The following KLHL28 variants were observed in gnomAD, a reference collection of about 807,000 sequenced individuals.
KLHL28 encodes the protein kelch like family member 28, also known as kelch-like protein 28.
Under a neutral mutation model 48.3 loss-of-function variants are expected in KLHL28, and 22 were observed. That is an observed-to-expected ratio of 0.46 (90% CI 0.33 to 0.65). The LOEUF (loss-of-function observed/expected upper bound fraction) is 0.65. Ranked by LOEUF, KLHL28 falls within the 30% of genes least tolerant of loss-of-function variation. The probability of loss-of-function intolerance (pLI) is 0.03; values close to 1 mark genes in which losing one functional copy is unlikely to be tolerated. For missense variants in KLHL28, 527 were observed against 704.3 expected (o/e 0.75, Z 2.85); for synonymous variants, 243 against 242.4 (o/e 1.00, Z -0.02).
intron 3 of KLHL28, among the ~76,000 whole-genome samples, chr14:44,932,244 GA>G (rs770477179): frequency 8.8e-5 from 9 of 102,252 alleles, no homozygotes; most frequent in African/African-American, 1.7e-4. Context: ...AAGAGGAAGA[GA>G]GGGGTGGGGG....
intron 2 of KLHL28, among the ~76,000 whole-genome samples, chr14:44,937,888 C>T (rs985349756): frequency 3.3e-5 from 5 of 152,188 alleles, no homozygotes; most frequent in Admixed American, 2.6e-4. Flanking sequence ...AACTCACTCA[C>T]TCCCACCATA....
At position 44,931,550 on chromosome 14, in the gene KLHL28, A is replaced by G. The variant is rs377726724; in HGVS notation, c.1344-9T>C. On this transcript the variant is annotated splice_polypyrimidine_tract_variant and intron_variant, in intron 3 of 4. Transcript: ENST00000396128. The stretch of plus-strand genomic sequence containing the variant: ...GATCATAACGCTCCACACTGCAAAT[A>G]TTTAAAAAAAATTTAATTTACAGAT... 1.1e-3 allele frequency: 1,756 copies of G among 1,599,158 alleles called. No individual in the cohort carries two copies. The highest frequency in any genetic ancestry group is 1.4e-3 in the Non-Finnish European group (1,626 of 1,170,602).
At position 44,925,424 on chromosome 14, in the gene KLHL28, T is replaced by G. The variant is rs969339416; in HGVS notation, c.*3604A>C. The G allele has an allele frequency of 1.3e-5, 2 of 152,116 alleles. No individual in the cohort carries two copies. Among genetic ancestry groups the G allele is most frequent in the African/African-American group, 4.8e-5 (2 of 41,460 alleles). 9.4% of individuals were successfully genotyped at this position (152,116 alleles called of 1,614,324 possible). ...AGGAGATTTGGAGTTCTATAAATAT[T>G]AGGTTTTTTAATATTTCTTTTTCAT... On this transcript the variant is annotated 3_prime_UTR_variant, in exon 5 of 5. Transcript: ENST00000396128.
At chr14:44,959,052 A>C (rs1303942477) in intron 1 of KLHL28, among the ~76,000 whole-genome samples, 4 of 152,044 alleles carry the variant, frequency 2.6e-5, no homozygotes, top group Non-Finnish European at 5.9e-5. Flanking sequence ...AAATATATAT[A>C]ATCTTCAACC....
intron 1 of KLHL28, among the ~76,000 whole-genome samples, chr14:44,953,023 G>A (rs984542979): frequency 1.3e-5 from 2 of 151,988 alleles, no homozygotes; most frequent in African/African-American, 4.8e-5. Flanking sequence ...TTGATACTTG[G>A]GCAAATTACT....
At chr14:44,940,903 C>G (rs1884044967) in intron 2 of KLHL28, among the ~76,000 whole-genome samples, 1 of 151,968 alleles carries the variant, frequency 6.6e-6, no homozygotes, top group Admixed American at 6.6e-5. Flanking sequence ...AGTTCAAGAC[C>G]AGCCTGACCA....
At chr14:44,955,311 GA>G (rs963385858) in intron 1 of KLHL28, among the ~76,000 whole-genome samples, 25 of 151,556 alleles carry the variant, frequency 1.6e-4, no homozygotes, top group African/African-American at 4.4e-4. Flanking sequence ...TTATTTTAAG[GA>G]AAAAAATAAA....
At chr14:44,953,809 A>G (rs1884684219) in intron 1 of KLHL28, 3 of 152,234 alleles carry the variant, frequency 2.0e-5, no homozygotes, top group Admixed American at 2.0e-4. Flanking sequence ...ATTAGGGAAC[A>G]GTTTCCTAAC....
At chr14:44,949,229 T>C (rs541349131) in intron 1 of KLHL28, among the ~76,000 whole-genome samples, 1 of 152,114 alleles carries the variant, frequency 6.6e-6, no homozygotes, top group Non-Finnish European at 1.5e-5. Context: ...GATAACATTC[T>C]AAAACAAATT....
At chr14:44,931,838 A>G (rs916872186) in intron 3 of KLHL28, among the ~76,000 whole-genome samples, 1 of 152,116 alleles carries the variant, frequency 6.6e-6, no homozygotes, top group African/African-American at 2.4e-5. Context: ...CTGTATACCT[A>G]GGGCTGAACG....
Position 44,925,333 on chromosome 14 carries a change from C to T in KLHL28, c.*3695G>A, listed in dbSNP as rs1308843836. ...CTCAATGTCAGCCAGAGTCTTGATACTACAGGAAATATATATATTTAAAAT... is the reference window on the plus strand; with the variant it reads ...CTCAATGTCAGCCAGAGTCTTGATATTACAGGAAATATATATATTTAAAAT... On this transcript the variant is annotated 3_prime_UTR_variant, in exon 5 of 5. Coordinates refer to ENST00000396128, the MANE Select transcript of KLHL28 (RefSeq NM_017658.5). 1.3e-5 allele frequency: 2 copies of T among 152,036 alleles called. No homozygotes were observed. Among genetic ancestry groups the T allele is most frequent in the Non-Finnish European group, 2.9e-5 (2 of 67,938 alleles). 9.4% of individuals were successfully genotyped at this position (152,036 alleles called of 1,614,324 possible). A position where few individuals can be genotyped will look rare whatever the true frequency, so the allele number is the denominator to read the frequency against.
chr14:44,950,236 C>A (rs1394225561), intron 1 of KLHL28, among the ~76,000 whole-genome samples: 1 of 151,994 alleles, frequency 6.6e-6, no homozygotes, highest in Non-Finnish European at 1.5e-5. Context: ...CTAGTAAATT[C>A]TTCGAGTTGT....
intron 1 of KLHL28, among the ~76,000 whole-genome samples, chr14:44,951,344 G>A (rs1028676878): frequency 7.9e-5 from 12 of 152,278 alleles, no homozygotes; most frequent in African/African-American, 2.4e-4. Flanking sequence ...GTCAAGCCAC[G>A]GATAAGCTGC....
chr14:44,939,984 GTAATTTA>G (rs1884001102), intron 2 of KLHL28, among the ~76,000 whole-genome samples: 1 of 152,164 alleles, frequency 6.6e-6, no homozygotes. Context: ...AAAATACTGG[GTAATTTA>G]TAAAGAACAA....
intron 1 of KLHL28, among the ~76,000 whole-genome samples, chr14:44,955,719 G>A (rs73346336): frequency 0.099 from 15,068 of 152,242 alleles, 1,023 homozygotes; most frequent in African/African-American, 0.19. Flanking sequence ...CCAGGAGGTC[G>A]AGGCTGCAGT....
chr14:44,946,971 A>T (rs1884365433), intron 1 of KLHL28, among the ~76,000 whole-genome samples: 1 of 152,216 alleles, frequency 6.6e-6, no homozygotes, highest in African/African-American at 2.4e-5. Context: ...GAAAGAAAAG[A>T]AAGTGGAGAG....
chr14:44,937,599 T>C (rs1566566109), intron 2 of KLHL28, among the ~76,000 whole-genome samples: 4 of 152,214 alleles, frequency 2.6e-5, no homozygotes, highest in African/African-American at 7.2e-5. Flanking sequence ...GCTAAATACA[T>C]ACAACATACA....
intron 3 of KLHL28, 60 bp downstream of exon 3, chr14:44,934,055 T>A (rs959617064): frequency 7.4e-7 from 1 of 1,346,830 alleles, no homozygotes; most frequent in Non-Finnish European, 1.0e-6. Context: ...TCAGAAATCA[T>A]TGCTAATGAG....
At position 44,961,197 on chromosome 14, in the gene KLHL28, G is replaced by A. The variant is rs1885070349; in HGVS notation, c.-1+649C>T. 8 of 292,774 alleles carry A rather than the reference G, an allele frequency of 2.7e-5. No individual in the cohort carries two copies. The South Asian group carries it at 6.1e-4, about 22-fold the overall frequency. The allele number at this position is 292,774 out of a possible 1,614,324, so 18.1% of individuals were successfully genotyped here. The stretch of plus-strand genomic sequence containing the variant: ...AATTCTCTTAGAACCATGATGCCAA[G>A]AACTTCCACCGCAAGTGAAATTGTC... On this transcript the variant is annotated intron_variant, in intron 1 of 4. Coordinates refer to ENST00000396128, the MANE Select transcript of KLHL28 (RefSeq NM_017658.5).
Sources: allele counts gnomAD v4.1 joint callset (sites outside exome capture counted in the v4.1 genomes callset), GRCh38; gene constraint gnomAD v4.1.1; transcripts MANE v1.5; gene names NCBI Gene and HGNC (gene_info 2026-07-23, HGNC 2026-07-21).